The following PPID variants were observed in gnomAD, a reference collection of about 807,000 sequenced individuals.
PPID encodes the protein peptidylprolyl isomerase D, also known as peptidyl-prolyl cis-trans isomerase D.
In PPID, 47 loss-of-function variants were observed where a neutral mutation model predicts 48.1. The observed-to-expected ratio is 0.98, with a 90% CI of 0.77 to 1.25. The LOEUF (loss-of-function observed/expected upper bound fraction) is 1.25. Among genes scored for constraint, PPID ranks in the 50% most tolerant of loss-of-function variants. The probability of loss-of-function intolerance (pLI) is 0.00; values close to 1 mark genes in which losing one functional copy is unlikely to be tolerated. For missense variants in PPID, 429 were observed against 443.5 expected (o/e 0.97, Z 0.29); for synonymous variants, 163 against 148.8 (o/e 1.10, Z -0.69).
Position 158,709,732 on chromosome 4 carries a change from C to T in PPID, c.*4G>A, listed in dbSNP as rs772920401. 1.9e-6 allele frequency: 3 copies of T among 1,589,836 alleles called. No individual in the cohort carries two copies. Among genetic ancestry groups the T allele is most frequent in the Non-Finnish European group, 2.6e-6 (3 of 1,161,546 alleles). ...AACACACAATAAGCAAAACTGAATC[C>T]TTTCTAAGCAAACATTTTTGCATAT... On this transcript the variant is annotated 3_prime_UTR_variant, in exon 10 of 10. Coordinates refer to ENST00000307720, the MANE Select transcript of PPID (RefSeq NM_005038.3).
At chr4:158,713,860 T>G (rs913324006) in intron 6 of PPID, among the ~76,000 whole-genome samples, 1 of 152,004 alleles carries the variant, frequency 6.6e-6, no homozygotes, top group Non-Finnish European at 1.5e-5. Flanking sequence ...CCTTTGGGCA[T>G]GAAAAAGAAT....
rs1774773874 is a variant in PPID at position 158,710,634 on chromosome 4, C to G, written c.1018G>C (p.Asp340His). ...LKKAQGIAPE[D>H]KAIQAELLKV... is the part of the protein sequence containing the mutation. ...ACAAAAGCTGCCAACTTACCTTTAT[C>G]TTCTGGTGCTATCCCCTGAGCTTTC... The change falls in exon 9 of 10, where the codon GAT becomes CAT. Residue 340 changes from aspartate to histidine, a missense_variant. Coordinates refer to ENST00000307720, the MANE Select transcript of PPID (RefSeq NM_005038.3). 4 of 1,613,710 alleles carry G rather than the reference C, an allele frequency of 2.5e-6. No homozygotes were observed. The highest frequency in any genetic ancestry group is 3.4e-6 in the Non-Finnish European group (4 of 1,179,796).
rs759551376 is a variant in PPID, at chr4:158,710,800, G to C, written c.943C>G (p.Gln315Glu). Reference sequence around the variant, plus strand: ...TATTCTTTTAATCCTTGCCATCCTTGAGCTCTGCGGTACAATGCTTTGGTA... The same window carrying C: ...TATTCTTTTAATCCTTGCCATCCTTCAGCTCTGCGGTACAATGCTTTGGTA... ...SNTKALYRRA[Q>E]GWQGLKEYDQ... Residue 315 changes from glutamine to glutamate, a missense_variant, in exon 8 of 10, where the codon CAA (glutamine) becomes GAA (glutamate). By Grantham distance (29) the Gln-to-Glu change is conservative (BLOSUM62 2). Transcript: ENST00000307720. 1 of 1,613,772 alleles carries C rather than the reference G, an allele frequency of 6.2e-7. No individual in the cohort carries two copies. Among genetic ancestry groups the C allele is most frequent in the Non-Finnish European group, 8.5e-7 (1 of 1,179,816 alleles).
In PPID at chr4:158,710,637, C is replaced by T; in HGVS notation, c.1015G>A (p.Glu339Lys). The part of the protein sequence containing the change: ...DLKKAQGIAP[E>K]DKAIQAELLK... Reference sequence around the variant, plus strand: ...AAAGCTGCCAACTTACCTTTATCTTCTGGTGCTATCCCCTGAGCTTTCTTA... The same window carrying T: ...AAAGCTGCCAACTTACCTTTATCTTTTGGTGCTATCCCCTGAGCTTTCTTA... The change falls in exon 9 of 10, where the codon GAA (glutamate) becomes AAA (lysine). Residue 339 changes from glutamate to lysine, a missense_variant. Transcript: ENST00000307720. The T allele has an allele frequency of 6.2e-7, 1 of 1,613,796 alleles. No homozygotes were observed.
In PPID at chr4:158,709,642, A is replaced by C. The variant is rs1774743916; in HGVS notation, c.*94T>G. 2.2e-6 allele frequency: 2 copies of C among 912,362 alleles called. No homozygotes were observed. The highest frequency in any genetic ancestry group is 1.7e-5 in the African/African-American group (1 of 60,034). The allele number at this position is 912,362 out of a possible 1,614,324, so 56.5% of individuals were successfully genotyped here. ...CAGTAAGGAACTAAGGTGTCAAAAG[A>C]AACACATTAGGGATCATATTCATAG... On this transcript the variant is annotated 3_prime_UTR_variant, in exon 10 of 10. Coordinates refer to ENST00000307720, the MANE Select transcript of PPID (RefSeq NM_005038.3).
chr4:158,710,412 C>T, intron 9 of PPID: 1 of 601,688 alleles, frequency 1.7e-6, no homozygotes. Flanking sequence ...ACGTGAAAAA[C>T]TACTATATTC....
At position 158,719,232 on chromosome 4, in the gene PPID, C is replaced by A; in HGVS notation, c.281G>T (p.Gly94Val). The A allele has an allele frequency of 6.2e-7, 1 of 1,611,688 alleles. No homozygotes were observed. The highest frequency in any genetic ancestry group is 8.5e-7 in the Non-Finnish European group (1 of 1,178,192). Reference sequence around the variant, plus strand: ...TTTTTCACCATAAATACTTTCTCCACCTGTCCCATTCTGATTTGAGAAGTC... The same window carrying A: ...TTTTTCACCATAAATACTTTCTCCAACTGTCCCATTCTGATTTGAGAAGTC... The part of the protein sequence containing the change: ...GGDFSNQNGT[G>V]GESIYGEKFE... Residue 94 changes from glycine to valine, a missense_variant, in exon 3 of 10, where the codon GGT becomes GTT. Gly to Val is a moderately radical substitution (Grantham distance 109, BLOSUM62 -3). Transcript: ENST00000307720.
At chr4:158,722,258 C>A (rs1356887282) in intron 1 of PPID, among the ~76,000 whole-genome samples, 4 of 152,178 alleles carry the variant, frequency 2.6e-5, no homozygotes, top group African/African-American at 9.7e-5. Flanking sequence ...GTAATTTCTT[C>A]AAGAGGTACT....
chr4:158,710,566 G>A (rs1237720890), intron 9 of PPID, 62 bp downstream of exon 9: 1 of 1,540,430 alleles, frequency 6.5e-7, no homozygotes, highest in Non-Finnish European at 9.0e-7. Context: ...GTGAACAATG[G>A]TTCCTGAGGA....
Position 158,723,274 on chromosome 4 carries a change from G to A in PPID, c.15C>T (p.Ser5=), listed in dbSNP as rs755034483. The part of the protein sequence containing the change: MSHP[S]PQAKPSNPSN... ...TGGGGTTGGAGGGCTTGGCTTGGGG[G>A]GACGGGTGCGACATCTTGACTTGCA... Residue 5 remains serine, a synonymous_variant, in exon 1 of 10, where the codon TCC becomes TCT. Transcript: ENST00000307720. The A allele has an allele frequency of 2.5e-6, 4 of 1,613,898 alleles. No individual in the cohort carries two copies. Among genetic ancestry groups the A allele is most frequent in the Non-Finnish European group, 2.5e-6 (3 of 1,179,940 alleles).
rs767152547 is a variant in PPID, at chr4:158,715,419, C to A, written c.646-16G>T. 1 of 1,489,740 alleles carries A rather than the reference C, an allele frequency of 6.7e-7. No homozygotes were observed. The highest frequency in any genetic ancestry group is 9.0e-7 in the Non-Finnish European group (1 of 1,111,704). 92.3% of individuals were successfully genotyped at this position (1,489,740 alleles called of 1,614,324 possible). A position where few individuals can be genotyped will look rare whatever the true frequency, so the allele number is the denominator to read the frequency against. ...TTTTATCTACCTGTATAAAAAAATACAAATATGTTGGATTTTAGTAAGTAA... is the reference window on the plus strand; with the variant it reads ...TTTTATCTACCTGTATAAAAAAATAAAAATATGTTGGATTTTAGTAAGTAA... On this transcript the variant is annotated splice_polypyrimidine_tract_variant and intron_variant, in intron 5 of 9. Transcript: ENST00000307720.
intron 4 of PPID, among the ~76,000 whole-genome samples, chr4:158,716,095 C>A (rs1051410178): frequency 6.8e-6 from 1 of 147,442 alleles, no homozygotes; most frequent in African/African-American, 2.5e-5. Context: ...TTCTTTTTTT[C>A]TTTTTTTTTT....
intron 6 of PPID, among the ~76,000 whole-genome samples, chr4:158,713,624 G>A (rs895312353): frequency 1.3e-5 from 2 of 152,176 alleles, no homozygotes; most frequent in African/African-American, 4.8e-5. Flanking sequence ...GAACTCTATT[G>A]TGTTGATTTT....
intron 1 of PPID, among the ~76,000 whole-genome samples, chr4:158,722,367 C>CT (rs1189900101): frequency 1.3e-5 from 2 of 152,244 alleles, no homozygotes; most frequent in Non-Finnish European, 2.9e-5. Context: ...CCTTTGTGCT[C>CT]TGAGCAAACT....
Position 158,717,314 on chromosome 4 carries a change from A to G in PPID, c.334-114T>C, listed in dbSNP as rs558834993. On this transcript the variant is annotated intron_variant, in intron 3 of 9. Transcript: ENST00000307720. Reference sequence around the variant, plus strand: ...TAAAACTGGGGTGCACTATACTACCATTTAGATCAAACTACTTTTTTTTAC... The same window carrying G: ...TAAAACTGGGGTGCACTATACTACCGTTTAGATCAAACTACTTTTTTTTAC... The G allele has an allele frequency of 1.2e-4, 97 of 819,614 alleles. No homozygotes were observed. In the African/African-American group the frequency reaches 1.6e-3, roughly 13 times the overall value. 50.8% of individuals were successfully genotyped at this position (819,614 alleles called of 1,614,324 possible). A position where few individuals can be genotyped will look rare whatever the true frequency, so the allele number is the denominator to read the frequency against.
In PPID at chr4:158,723,332, G is replaced by C; in HGVS notation, c.-44C>G. 3.2e-6 allele frequency: 5 copies of C among 1,584,394 alleles called. No homozygotes were observed. Among genetic ancestry groups the C allele is most frequent in the Middle Eastern group, 1.7e-4 (1 of 5,998 alleles). On this transcript the variant is annotated 5_prime_UTR_variant, in exon 1 of 10. Coordinates refer to ENST00000307720, the MANE Select transcript of PPID (RefSeq NM_005038.3). Reference sequence around the variant, plus strand: ...TTAGTACGGAATATCAGAGTACCTAGTGGCCGCCCGGGCCGCCCAAACTCC... The same window carrying C: ...TTAGTACGGAATATCAGAGTACCTACTGGCCGCCCGGGCCGCCCAAACTCC...
At chr4:158,720,706 TTTG>T (rs1561257663) in intron 2 of PPID, among the ~76,000 whole-genome samples, 2 of 16,148 alleles carry the variant, frequency 1.2e-4, no homozygotes, top group Admixed American at 1.2e-3. Context: ...CATTTTTTTG[TTTG>T]TTTGTTTGTT....
intron 8 of PPID, 42 bp from the exon 9 acceptor site, chr4:158,710,712 T>C: frequency 6.2e-7 from 1 of 1,610,594 alleles, no homozygotes; most frequent in African/African-American, 1.3e-5. Flanking sequence ...GTATGATTTA[T>C]AAAGGTAGTT....
chr4:158,712,991 A>T (rs1344426803), intron 7 of PPID, 128 bp downstream of exon 7: 11 of 985,662 alleles, frequency 1.1e-5, no homozygotes, highest in Non-Finnish European at 1.6e-5. Context: ...ATATTTAGAA[A>T]CAAAATGTTT....
Sources: allele counts gnomAD v4.1 joint callset (sites outside exome capture counted in the v4.1 genomes callset), GRCh38; gene constraint gnomAD v4.1.1; transcripts MANE v1.5; gene names NCBI Gene and HGNC (gene_info 2026-07-23, HGNC 2026-07-21).